The following KMT5B variants were observed in gnomAD, a reference collection of about 807,000 sequenced individuals.
The protein encoded by KMT5B is histone-lysine N-methyltransferase KMT5B.
Under a neutral mutation model 83.2 loss-of-function variants are expected in KMT5B, and 10 were observed. That is an observed-to-expected ratio of 0.12 (90% CI 0.07 to 0.20). KMT5B has a LOEUF of 0.20. KMT5B is among the 10% of genes least tolerant of loss of function. The pLI is 1.00. For missense variants in KMT5B, 753 were observed against 1,067.2 expected (o/e 0.71, Z 4.10); for synonymous variants, 349 against 388.8 (o/e 0.90, Z 1.20).
intron 4 of KMT5B, among the ~76,000 whole-genome samples, chr11:68,175,707 C>T (rs76502915): frequency 6.4e-4 from 98 of 152,252 alleles, no homozygotes; most frequent in African/African-American, 2.3e-3. Context: ...CCATGCCATA[C>T]ACAAAAACAT....
rs1438000432 is a variant in KMT5B at position 68,158,373 on chromosome 11, G to A, written c.1973C>T (p.Thr658Ile). The A allele has an allele frequency of 6.2e-7, 1 of 1,614,146 alleles. No homozygotes were observed. The highest frequency in any genetic ancestry group is 2.2e-5 in the East Asian group (1 of 44,890). The change falls in exon 11 of 11, where the codon ACT (threonine) becomes ATT (isoleucine). Residue 658 changes from threonine (T) to isoleucine (I), a missense_variant. Transcript: ENST00000304363. ...PHSDQGEHSG[T>I]VGVPVSYTDC... The stretch of plus-strand genomic sequence containing the variant: ...TGTGTAGCTCACAGGCACGCCCACA[G>A]TGCCACTGTGCTCACCCTGGTCAGA...
At chr11:68,163,036 A>G (rs1020099182) in intron 10 of KMT5B, among the ~76,000 whole-genome samples, 1 of 86,478 alleles carries the variant, frequency 1.2e-5, no homozygotes, top group Non-Finnish European at 2.2e-5. Flanking sequence ...CTAAAAGTCA[A>G]TGATTTTAAA....
At position 68,179,190 on chromosome 11, in the gene KMT5B, G is replaced by A. The variant is rs1856671263; in HGVS notation, c.377+942C>T. ...CTTGTATACTGACAATACAGTGGAA[G>A]GGATGGACGCAAATGTGAATTTTAA... is the stretch of plus-strand genomic sequence containing the variant. On this transcript the variant is annotated intron_variant, in intron 4 of 10. Coordinates refer to ENST00000304363, the MANE Select transcript of KMT5B (RefSeq NM_017635.5). Among the ~76,000 whole-genome samples the A allele has an allele frequency of 6.3e-5, 9 of 142,676 alleles. No individual in the cohort carries two copies. In the Admixed American group the frequency reaches 6.3e-4, roughly 10 times the overall value. The allele number at this position is 142,676 out of a possible 152,430, so 93.6% of individuals were successfully genotyped here. A position where few individuals can be genotyped will look rare whatever the true frequency, so the allele number is the denominator to read the frequency against.
In KMT5B at chr11:68,166,972, C is replaced by T. The variant is rs937889602; in HGVS notation, c.1174+10G>A. On this transcript the variant is annotated intron_variant, in intron 10 of 10. Transcript: ENST00000304363. Reference sequence around the variant, plus strand: ...TTAAAAGATATGCTTATCAAATCTCCCTTACTTACTTGCATTGTTTTTTTC... The same window carrying T: ...TTAAAAGATATGCTTATCAAATCTCTCTTACTTACTTGCATTGTTTTTTTC... 8 of 1,612,890 alleles carry T rather than the reference C, an allele frequency of 5.0e-6. No homozygotes were observed. Among genetic ancestry groups the T allele is most frequent in the Non-Finnish European group, 6.8e-6 (8 of 1,179,310 alleles).
Position 68,209,268 on chromosome 11 carries a change from T to C in KMT5B, c.-77+3870A>G, listed in dbSNP as rs149655754. Among the ~76,000 whole-genome samples the C allele has an allele frequency of 2.0e-5, 3 of 152,230 alleles. No individual in the cohort carries two copies. In the East Asian group the frequency reaches 5.8e-4, roughly 29 times the overall value. ...GAATCCACTCAGTTCAACAAACTTATGAAGAACCTCCCAGAGCTGCCAGGC... is the reference window on the plus strand; with the variant it reads ...GAATCCACTCAGTTCAACAAACTTACGAAGAACCTCCCAGAGCTGCCAGGC... On this transcript the variant is annotated intron_variant, in intron 1 of 10. Transcript: ENST00000304363.
chr11:68,165,366 C>T (rs1437621576), intron 10 of KMT5B, among the ~76,000 whole-genome samples: 5 of 152,076 alleles, frequency 3.3e-5, no homozygotes, highest in South Asian at 2.1e-4. Flanking sequence ...TAGCTGGATG[C>T]GGTGGCACGT....
chr11:68,210,033 A>G (rs1420007884), intron 1 of KMT5B, among the ~76,000 whole-genome samples: 1 of 152,122 alleles, frequency 6.6e-6, no homozygotes, highest in Non-Finnish European at 1.5e-5. Flanking sequence ...TTTTTAGTAG[A>G]GACGGGGTTT....
chr11:68,205,990 T>C (rs572988546), intron 1 of KMT5B, among the ~76,000 whole-genome samples: 14 of 152,226 alleles, frequency 9.2e-5, no homozygotes, highest in Non-Finnish European at 2.1e-4. Flanking sequence ...AAACTCCTAA[T>C]TGCCTTATCA....
intron 10 of KMT5B, among the ~76,000 whole-genome samples, chr11:68,160,128 C>A (rs1442551556): frequency 6.6e-6 from 1 of 152,170 alleles, no homozygotes; most frequent in Non-Finnish European, 1.5e-5. Flanking sequence ...TTAGATAATT[C>A]TTTTGCTACA....
intron 2 of KMT5B, among the ~76,000 whole-genome samples, chr11:68,189,033 G>T (rs1857746097): frequency 6.6e-6 from 1 of 152,166 alleles, no homozygotes; most frequent in Non-Finnish European, 1.5e-5. Context: ...TGGGCCCAAT[G>T]AATCGCATAA....
Position 68,175,054 on chromosome 11 carries a change from G to C in KMT5B, c.507C>G (p.Asn169Lys), listed in dbSNP as rs1319153786. The C allele has an allele frequency of 2.5e-6, 4 of 1,613,774 alleles. No individual in the cohort carries two copies. The South Asian group carries it at 4.4e-5, about 18-fold the overall frequency. The change falls in exon 5 of 11, where the codon AAC becomes AAG. Residue 169 changes from asparagine (N) to lysine (K), a missense_variant. This residue lies in a region of KMT5B where 71 missense variants were observed against 107.0 expected (regional missense o/e 0.66). Coordinates refer to ENST00000304363, the MANE Select transcript of KMT5B (RefSeq NM_017635.5). ...ATAATTTCTCCTGCATTTTATTCTT[G>C]TTGAGAAAATAGTGCCGTGCCCATT... ...SGEWARHYFL[N>K]KNKMQEKLFK...
At chr11:68,186,129 G>T (rs1409671495) in intron 2 of KMT5B, among the ~76,000 whole-genome samples, 1 of 152,122 alleles carries the variant, frequency 6.6e-6, no homozygotes, top group Non-Finnish European at 1.5e-5. Context: ...GAGTATTATC[G>T]TTAGCAGGTA....
intron 1 of KMT5B, among the ~76,000 whole-genome samples, chr11:68,196,277 T>C (rs909117122): frequency 1.3e-5 from 2 of 151,978 alleles, no homozygotes; most frequent in African/African-American, 4.8e-5. Context: ...ATTCCTTAAG[T>C]CCCAGTTCAG....
At chr11:68,212,598 A>AG (rs1861052803) in intron 1 of KMT5B, 1 of 152,976 alleles carries the variant, frequency 6.5e-6, no homozygotes, top group Non-Finnish European at 1.5e-5. Context: ...ACAGACACAC[A>AG]CCAGGGGACG....
intron 1 of KMT5B, among the ~76,000 whole-genome samples, chr11:68,211,770 G>A (rs955239277): frequency 2.0e-5 from 3 of 152,336 alleles, no homozygotes; most frequent in Admixed American, 1.3e-4. Context: ...ACGGCCGACA[G>A]GGACCAGGTA....
chr11:68,170,750 T>C (rs999551068), intron 9 of KMT5B, among the ~76,000 whole-genome samples: 1 of 152,184 alleles, frequency 6.6e-6, no homozygotes, highest in African/African-American at 2.4e-5. Flanking sequence ...ATTCTCTCCT[T>C]AAGCACATCT....
At chr11:68,200,168 T>C (rs1859253606) in intron 1 of KMT5B, among the ~76,000 whole-genome samples, 1 of 152,214 alleles carries the variant, frequency 6.6e-6, no homozygotes. Context: ...TTTCAAGCCA[T>C]GGAATCAGAT....
At position 68,166,555 on chromosome 11, in the gene KMT5B, G is replaced by A. The variant is rs1017900855; in HGVS notation, c.1174+427C>T. 5 of 1,009,556 alleles carry A rather than the reference G, an allele frequency of 5.0e-6. No homozygotes were observed. In the African/African-American group the frequency reaches 6.9e-5, roughly 14 times the overall value. 62.5% of individuals were successfully genotyped at this position (1,009,556 alleles called of 1,614,324 possible). ...TGAAAAGGTGGAAGCCTTAAGGCCA[G>A]AAGCTATGAATTCCCCAAGTCCATC... On this transcript the variant is annotated intron_variant, in intron 10 of 10. Coordinates refer to ENST00000304363, the MANE Select transcript of KMT5B (RefSeq NM_017635.5).
chr11:68,203,917 G>A (rs1208307292), intron 1 of KMT5B, among the ~76,000 whole-genome samples: 4 of 152,044 alleles, frequency 2.6e-5, no homozygotes, highest in East Asian at 3.8e-4. Flanking sequence ...CAAAGAATAC[G>A]TCTCTATACT....
Sources: allele counts gnomAD v4.1 joint callset (sites outside exome capture counted in the v4.1 genomes callset), GRCh38; gene constraint gnomAD v4.1.1; regional missense constraint gnomAD v4.1.1; transcripts MANE v1.5; gene names NCBI Gene and HGNC (gene_info 2026-07-23, HGNC 2026-07-21).